HBP1: variants seen among roughly 807,000 people sequenced by gnomAD.
HBP1 encodes HMG box-containing protein 1.
Under a neutral mutation model 62.6 loss-of-function variants are expected in HBP1, and 20 were observed. The ratio of observed to expected loss-of-function variants is 0.32; its 90% CI spans 0.22 to 0.46. HBP1 has a LOEUF of 0.46. Among genes scored for constraint, HBP1 ranks in the 20% least tolerant of loss-of-function variants. The pLI, the probability that HBP1 is intolerant of heterozygous loss-of-function variation, is 1.00. For missense variants in HBP1, 480 were observed against 611.8 expected (o/e 0.78, Z 2.27); for synonymous variants, 232 against 206.2 (o/e 1.12, Z -1.07).
chr7:107,197,320 T>C (rs552037268), intron 9 of HBP1, among the ~76,000 whole-genome samples: 28 of 152,346 alleles, frequency 1.8e-4, no homozygotes, highest in Middle Eastern at 3.4e-3. Flanking sequence ...AGCTTTGTCC[T>C]AGTTCCTTTA....
chr7:107,196,336 T>C (rs1797899397), intron 9 of HBP1, 185 bp downstream of exon 9: 1 of 625,162 alleles, frequency 1.6e-6, no homozygotes, highest in Non-Finnish European at 2.9e-6. Context: ...TGGTACGATC[T>C]CAGCTCACTG....
chr7:107,179,794 G>A, intron 1 of HBP1, 85 bp from the exon 2 acceptor site: 1 of 808,780 alleles, frequency 1.2e-6, no homozygotes, highest in Non-Finnish European at 2.0e-6. Flanking sequence ...AAACAACATT[G>A]TCATGTCTCT....
chr7:107,201,433 C>T lies in HBP1; in HGVS notation c.*2C>T. On this transcript the variant is annotated 3_prime_UTR_variant, in exon 11 of 11. Coordinates refer to ENST00000222574, the MANE Select transcript of HBP1 (RefSeq NM_012257.4). ...CCACAGGGCTCACAACAACATTAAA[C>T]CAGGATGCTTATGTTCTTAAGTCTA... The T allele has an allele frequency of 1.3e-6, 2 of 1,573,352 alleles. No homozygotes were observed. Among genetic ancestry groups the T allele is most frequent in the Non-Finnish European group, 8.7e-7 (1 of 1,144,402 alleles).
At chr7:107,176,408 C>G (rs1026579118) in intron 1 of HBP1, among the ~76,000 whole-genome samples, 3 of 152,180 alleles carry the variant, frequency 2.0e-5, no homozygotes, top group Non-Finnish European at 2.9e-5. Context: ...TAAAGTCAGA[C>G]TCATGATGAA....
chr7:107,171,071 A>T (rs2395837), intron 1 of HBP1, among the ~76,000 whole-genome samples: 42,728 of 83,920 alleles, frequency 0.51, 11,285 homozygotes, highest in Non-Finnish European at 0.55. Context: ...ATATATATAT[A>T]TATTTTTTTT....
At chr7:107,181,401 G>T (rs923280780) in intron 2 of HBP1, among the ~76,000 whole-genome samples, 6 of 152,032 alleles carry the variant, frequency 3.9e-5, no homozygotes, top group Admixed American at 1.3e-4. Context: ...GAGCCCAGGG[G>T]TCCAAGGCTG....
chr7:107,199,430 A>G (rs532033157), intron 9 of HBP1, among the ~76,000 whole-genome samples: 1 of 152,362 alleles, frequency 6.6e-6, no homozygotes, highest in East Asian at 1.9e-4. Context: ...GTTTAACTGC[A>G]TTAAGTTATT....
At chr7:107,182,348 T>G in intron 2 of HBP1, 25 bp from the exon 3 acceptor site, 1 of 1,311,108 alleles carries the variant, frequency 7.6e-7, no homozygotes, top group Non-Finnish European at 1.1e-6. Context: ...TTCCTTTTTA[T>G]GATTTTGAGT....
intron 2 of HBP1, among the ~76,000 whole-genome samples, chr7:107,181,917 A>G (rs925747168): frequency 1.3e-5 from 2 of 152,118 alleles, no homozygotes; most frequent in African/African-American, 4.8e-5. Context: ...TAACCGATAA[A>G]TAACCAGTAA....
At chr7:107,174,772 A>G (rs765762891) in intron 1 of HBP1, 5 of 904,100 alleles carry the variant, frequency 5.5e-6, no homozygotes, top group Non-Finnish European at 6.6e-6. Context: ...TTTTCAGTTC[A>G]GATAAGGTTG....
At chr7:107,177,934 A>G (rs111321756) in intron 1 of HBP1, among the ~76,000 whole-genome samples, 59 of 152,304 alleles carry the variant, frequency 3.9e-4, no homozygotes, top group African/African-American at 1.4e-3. Flanking sequence ...AAAGATCATG[A>G]AAAAGTCTTC....
At position 107,169,013 on chromosome 7, in the gene HBP1, A is replaced by G; in HGVS notation, c.-188A>G. ...AAGACGAAGCTTGAAAGACTTGGTA[A>G]TGGCGACGGGTTTGGTAAGTAGGAA... is the stretch of plus-strand genomic sequence containing the variant. On this transcript the variant is annotated 5_prime_UTR_variant, in exon 1 of 11. The change abolishes an upstream ATG in the 5' untranslated region. Coordinates refer to ENST00000222574, the MANE Select transcript of HBP1 (RefSeq NM_012257.4). The G allele has an allele frequency of 7.8e-7, 1 of 1,288,960 alleles. No individual in the cohort carries two copies. Among genetic ancestry groups the G allele is most frequent in the Non-Finnish European group, 1.0e-6 (1 of 988,526 alleles). The allele number at this position is 1,288,960 out of a possible 1,614,324, so 79.8% of individuals were successfully genotyped here. A position where few individuals can be genotyped will look rare whatever the true frequency, so the allele number is the denominator to read the frequency against.
chr7:107,187,330 A>G (rs1797436194), intron 6 of HBP1, among the ~76,000 whole-genome samples: 1 of 152,216 alleles, frequency 6.6e-6, no homozygotes, highest in South Asian at 2.1e-4. Flanking sequence ...CAAAGTGATT[A>G]ATTCCCCTGT....
chr7:107,188,480 A>G (rs529625459), intron 6 of HBP1, among the ~76,000 whole-genome samples: 1 of 152,330 alleles, frequency 6.6e-6, no homozygotes, highest in African/African-American at 2.4e-5. Flanking sequence ...GCGTTAGCGT[A>G]ATTATGATTG....
intron 1 of HBP1, among the ~76,000 whole-genome samples, chr7:107,171,840 T>TGA (rs1796613979): frequency 7.7e-6 from 1 of 129,516 alleles, no homozygotes; most frequent in African/African-American, 2.9e-5. Context: ...AGCCTGGGCA[T>TGA]CAGAACGAGA....
At position 107,182,573 on chromosome 7, in the gene HBP1, C is replaced by T; in HGVS notation, c.370C>T (p.Pro124Ser). The T allele has an allele frequency of 6.2e-7, 1 of 1,602,490 alleles. No homozygotes were observed. The highest frequency in any genetic ancestry group is 8.5e-7 in the Non-Finnish European group (1 of 1,169,744). The change falls in exon 3 of 11, where the codon CCA (proline) becomes TCA (serine). Residue 124 changes from proline to serine, a missense_variant. Transcript: ENST00000222574. ...LANIATSPQS[P>S]LMQCSFYNRS... Reference sequence around the variant, plus strand: ...AAATATCGCGACCAGTCCACAAAGTCCACTGATGCAGTGCTCATTTTACAA... The same window carrying T: ...AAATATCGCGACCAGTCCACAAAGTTCACTGATGCAGTGCTCATTTTACAA...
Position 107,202,370 on chromosome 7 carries a change from T to G in HBP1, c.*939T>G, listed in dbSNP as rs556088585. 6.5e-6 allele frequency: 1 copy of G among 152,766 alleles called. No individual in the cohort carries two copies. The highest frequency in any genetic ancestry group is 1.9e-4 in the East Asian group (1 of 5,184). The allele number at this position is 152,766 out of a possible 1,614,324, so 9.5% of individuals were successfully genotyped here. A position where few individuals can be genotyped will look rare whatever the true frequency, so the allele number is the denominator to read the frequency against. ...TTTTGCTCTGAGCTACAATCATGGCTTTTCATGTTACTTACCAAGTGGTGT... is the reference window on the plus strand; with the variant it reads ...TTTTGCTCTGAGCTACAATCATGGCGTTTCATGTTACTTACCAAGTGGTGT... On this transcript the variant is annotated 3_prime_UTR_variant, in exon 11 of 11. Transcript: ENST00000222574.
intron 8 of HBP1, among the ~76,000 whole-genome samples, chr7:107,195,382 A>G (rs564865353): frequency 7.2e-5 from 11 of 152,236 alleles, no homozygotes; most frequent in African/African-American, 2.4e-4. Context: ...TTTGTTTTCT[A>G]TAGTAGTCCT....
chr7:107,185,138 T>C (rs966857979), intron 3 of HBP1, among the ~76,000 whole-genome samples: 4 of 152,154 alleles, frequency 2.6e-5, no homozygotes, highest in Admixed American at 6.5e-5. Flanking sequence ...AAAGAGACTT[T>C]TGAGGGGAAG....
Sources: gnomAD v4.1 joint callset for allele counts (sites outside exome capture counted in the v4.1 genomes callset) on GRCh38, gnomAD v4.1.1 for gene constraint, MANE v1.5 for transcripts, NCBI Gene and HGNC (gene_info 2026-07-23, HGNC 2026-07-21) for gene names.